Variants in GALNT13 observed in about 807,000 individuals in gnomAD.
The protein encoded by GALNT13 is UDP-GalNAc:polypeptide N-acetylgalactosaminyltransferase 13.
In GALNT13, 28 loss-of-function variants were observed where a neutral mutation model predicts 64.2. That is an observed-to-expected ratio of 0.44 (90% confidence interval 0.32 to 0.60). The LOEUF is 0.60. Among genes scored for constraint, GALNT13 ranks in the 20% least tolerant of loss-of-function variants. The probability of loss-of-function intolerance (pLI) is 0.05; values close to 1 mark genes in which losing one functional copy is unlikely to be tolerated. For synonymous variants in GALNT13, 214 were observed against 224.6 expected, an observed-to-expected ratio of 0.95 and a Z score of 0.42; for missense variants, 577 against 669.8, an observed-to-expected ratio of 0.86 and a Z score of 1.53.
At chr2:153,438,496 C>A in the GALNT13 span, among the ~76,000 whole-genome samples, 3 of 152,180 alleles carry the variant, frequency 2.0e-5, no homozygotes, top group Admixed American at 2.0e-4. Context: ...TTCACATAGT[C>A]CCATATTTCT....
chr2:153,393,698 A>T, the GALNT13 span, among the ~76,000 whole-genome samples: 1 of 152,082 alleles, frequency 6.6e-6, no homozygotes, highest in African/African-American at 2.4e-5. Context: ...ATTTTGAGTA[A>T]GATAGGCAAC....
intron 3 of GALNT13, among the ~76,000 whole-genome samples, chr2:154,059,942 C>T (rs1421261092): frequency 2.0e-5 from 3 of 152,024 alleles, no homozygotes; most frequent in East Asian, 1.9e-4. Context: ...TTTGTGTCCT[C>T]CAAAATTCAT....
chr2:153,249,281 T>C, the GALNT13 span, among the ~76,000 whole-genome samples: 11 of 152,098 alleles, frequency 7.2e-5, no homozygotes, highest in Middle Eastern at 3.2e-3. Flanking sequence ...TTACAATTAG[T>C]ATAAAGAGAA....
chr2:153,298,087 G>C, the GALNT13 span, among the ~76,000 whole-genome samples: 2 of 152,124 alleles, frequency 1.3e-5, no homozygotes, highest in Admixed American at 1.3e-4. Flanking sequence ...TTAAAGGTGC[G>C]CCTTCTTTCT....
the GALNT13 span, among the ~76,000 whole-genome samples, chr2:153,261,750 T>TGTGA: frequency 0.35 from 52,362 of 151,682 alleles, 9,235 homozygotes; most frequent in Middle Eastern, 0.5. Context: ...TACCCAGGCT[T>TGTGA]GTGAGCTGGC....
chr2:153,924,939 T>C (rs1477445304), intron 2 of GALNT13, among the ~76,000 whole-genome samples: 2 of 152,212 alleles, frequency 1.3e-5, no homozygotes, highest in Non-Finnish European at 2.9e-5. Flanking sequence ...AAGTTCCTTA[T>C]AGATGTTAGG....
chr2:153,424,190 G>A, the GALNT13 span, among the ~76,000 whole-genome samples: 1 of 150,412 alleles, frequency 6.6e-6, no homozygotes, highest in Non-Finnish European at 1.5e-5. Flanking sequence ...AAATAACTAA[G>A]ATCAAATATA....
chr2:153,697,442 G>GC, the GALNT13 span, among the ~76,000 whole-genome samples: 4 of 152,064 alleles, frequency 2.6e-5, no homozygotes, highest in African/African-American at 9.7e-5. Context: ...TAGTCACATG[G>GC]CCCCCCAAAA....
At chr2:153,246,397 G>C in the GALNT13 span, among the ~76,000 whole-genome samples, 51 of 152,282 alleles carry the variant, frequency 3.3e-4, 1 homozygote, top group East Asian at 8.7e-3. Context: ...GGCAGCCAGA[G>C]AGAAAGATCA....
chr2:153,518,181 A>AAC, the GALNT13 span, among the ~76,000 whole-genome samples: 1 of 152,100 alleles, frequency 6.6e-6, no homozygotes, highest in South Asian at 2.1e-4. Flanking sequence ...GTGTTCTTCC[A>AAC]ATGACTTCAG....
the GALNT13 span, among the ~76,000 whole-genome samples, chr2:153,655,171 A>G: frequency 4.6e-5 from 7 of 152,238 alleles, no homozygotes; most frequent in South Asian, 1.5e-3. Flanking sequence ...TTTTCTTAGG[A>G]AAAGCACAGG....
intron 3 of GALNT13, among the ~76,000 whole-genome samples, chr2:154,061,296 C>T (rs532462190): frequency 2.6e-5 from 4 of 152,104 alleles, no homozygotes; most frequent in African/African-American, 7.2e-5. Context: ...AATTGCAATG[C>T]GTTGGCTGTA....
chr2:153,607,422 G>C, the GALNT13 span, among the ~76,000 whole-genome samples: 14 of 151,970 alleles, frequency 9.2e-5, no homozygotes, highest in Non-Finnish European at 1.5e-5. Context: ...TGTTATCAGA[G>C]AAAATCCATA....
rs374561122 is a variant in GALNT13, at chr2:154,332,527, A to C, written c.1156+30938A>C. Among the ~76,000 whole-genome samples, 6 of 152,184 alleles carry C rather than the reference A, an allele frequency of 3.9e-5. No homozygotes were observed. The East Asian group carries it at 1.2e-3, about 30-fold the overall frequency. On this transcript the variant is annotated intron_variant, in intron 9 of 12. Coordinates refer to ENST00000392825, the MANE Select transcript of GALNT13 (RefSeq NM_052917.4). ...TTTAAAATGAAATTAAAAAAATAAT[A>C]TTCTTTATGGGACCCATTTGTCTAC...
At chr2:154,346,009 C>A (rs1248199933) in intron 9 of GALNT13, among the ~76,000 whole-genome samples, 1 of 151,886 alleles carries the variant, frequency 6.6e-6, no homozygotes, top group East Asian at 1.9e-4. Flanking sequence ...AACTGAAGCT[C>A]ATATATTAAT....
chr2:153,399,244 C>T, the GALNT13 span, among the ~76,000 whole-genome samples: 20 of 151,074 alleles, frequency 1.3e-4, no homozygotes, highest in Admixed American at 4.6e-4. Context: ...AGATATGCGG[C>T]GTTATTTCTG....
chr2:153,904,745 A>G (rs1461273052), intron 2 of GALNT13, among the ~76,000 whole-genome samples: 1 of 151,696 alleles, frequency 6.6e-6, no homozygotes, highest in Non-Finnish European at 1.5e-5. Context: ...TTGGTTTTTC[A>G]ATTTCTTAAT....
At chr2:154,375,694 G>A (rs150618978) in intron 9 of GALNT13, among the ~76,000 whole-genome samples, 536 of 152,086 alleles carry the variant, frequency 3.5e-3, no homozygotes, top group African/African-American at 0.012. Context: ...TTAATAATGC[G>A]ATTTTCAAAC....
chr2:153,969,239 G>A (rs1339071273), intron 3 of GALNT13, among the ~76,000 whole-genome samples: 2 of 151,664 alleles, frequency 1.3e-5, no homozygotes, highest in East Asian at 1.9e-4. Flanking sequence ...CATCACAAAG[G>A]CCTCTAGAGA....
Sources: gnomAD v4.1 joint callset for allele counts (sites outside exome capture counted in the v4.1 genomes callset) on GRCh38, gnomAD v4.1.1 for gene constraint, MANE v1.5 for transcripts, NCBI Gene and HGNC (gene_info 2026-07-23, HGNC 2026-07-21) for gene names.